The following ESPL1 variants were observed in gnomAD, a reference collection of about 807,000 sequenced individuals.
The protein encoded by ESPL1 is separin.
In ESPL1, 50 loss-of-function variants were observed where a neutral mutation model predicts 217.2. The observed-to-expected ratio is 0.23, with a 90% CI of 0.18 to 0.29. The LOEUF (loss-of-function observed/expected upper bound fraction) is 0.29, where lower values mean the gene tolerates loss of function less well. ESPL1 is among the 10% of genes least tolerant of loss of function. The pLI is 1.00. For synonymous variants in ESPL1, 994 were observed against 1,081.3 expected, an observed-to-expected ratio of 0.92 and a Z score of 1.58; for missense variants, 1,834 against 2,603.0, an observed-to-expected ratio of 0.70 and a Z score of 6.43.
intron 6 of ESPL1, among the ~76,000 whole-genome samples, chr12:53,273,238 C>T (rs1361230356): frequency 6.6e-6 from 1 of 150,874 alleles, no homozygotes; most frequent in Non-Finnish European, 1.5e-5. Flanking sequence ...GGGGTTTCAC[C>T]ATTTTGGTTG....
At chr12:53,287,636 A>G in intron 18 of ESPL1, 1 of 184,112 alleles carries the variant, frequency 5.4e-6, no homozygotes. Context: ...AAGTGCTGGG[A>G]TTACAGACGT....
Position 53,269,418 on chromosome 12 carries a change from T to A in ESPL1, c.476T>A (p.Leu159Ter). The change falls in exon 3 of 31, where the codon TTG (leucine) becomes TAG (stop). Residue 159 changes from leucine to a stop codon, truncating the protein, a stop_gained. Transcript: ENST00000257934. LOFTEE classifies it high-confidence loss of function. The surrounding 1 kb of genome is among the most constrained non-coding windows in gnomAD (Gnocchi z 6.7). ...SLLWKGAEALLERRAAFAARL... is the reference protein window; with the variant it reads ...SLLWKGAEAL Reference sequence around the variant, plus strand: ...CTTTGGAAGGGGGCAGAAGCCCTGTTGGAACGGCGAGCTGCATTTGCAGCT... The same window carrying A: ...CTTTGGAAGGGGGCAGAAGCCCTGTAGGAACGGCGAGCTGCATTTGCAGCT... The A allele has an allele frequency of 6.2e-7, 1 of 1,613,926 alleles. No homozygotes were observed. Among genetic ancestry groups the A allele is most frequent in the Non-Finnish European group, 8.5e-7 (1 of 1,179,994 alleles).
intron 11 of ESPL1, among the ~76,000 whole-genome samples, 165 bp downstream of exon 11, chr12:53,278,125 C>T (rs1943802124): frequency 6.6e-6 from 1 of 152,210 alleles, no homozygotes; most frequent in African/African-American, 2.4e-5. Flanking sequence ...CTCCCTCATT[C>T]ATTAGTGTAT....
rs376705886 is a variant in ESPL1, at chr12:53,291,872, G to A, written c.5691+12G>A. 1 of 1,584,882 alleles carries A rather than the reference G, an allele frequency of 6.3e-7. No individual in the cohort carries two copies. The highest frequency in any genetic ancestry group is 1.3e-5 in the African/African-American group (1 of 74,592). ...TGGTCCTAGACAAGGTAAGGAGCTG[G>A]GGCAGAGGGGCAGTGTCTAGTGGGG... is the stretch of plus-strand genomic sequence containing the variant. On this transcript the variant is annotated intron_variant, in intron 26 of 30. Transcript: ENST00000257934.
Position 53,288,040 on chromosome 12 carries a change from T to C in ESPL1, c.4245T>C (p.Pro1415=). Residue 1415 remains proline (P), a synonymous_variant, in exon 19 of 31, where the codon CCT becomes CCC. Coordinates refer to ENST00000257934, the MANE Select transcript of ESPL1 (RefSeq NM_012291.5). ...CTGAGGCCTGGCTGGCAGAGGAGCC[T>C]AAGAGACGGGGCACTGCTTCCCGGG... ...VSAEAWLAEE[P]KRRGTASRGR... is the part of the protein sequence containing the mutation. 6.2e-7 allele frequency: 1 copy of C among 1,613,468 alleles called. No homozygotes were observed. The highest frequency in any genetic ancestry group is 1.1e-5 in the South Asian group (1 of 91,044).
chr12:53,283,503 C>A lies in ESPL1; in HGVS notation c.3042C>A (p.Ala1014=), dbSNP rs776799276. ...AAGCCAAGGCCTTTTGCTTGGAGGC[C>A]CTAAAACTTACAACAAAGCTGCAGA... is the stretch of plus-strand genomic sequence containing the variant. ...VSEAKAFCLE[A]LKLTTKLQIP... is the part of the protein sequence containing the mutation. Residue 1014 remains alanine, a synonymous_variant, in exon 16 of 31, where the codon GCC becomes GCA. Coordinates refer to ENST00000257934, the MANE Select transcript of ESPL1 (RefSeq NM_012291.5). 1.2e-6 allele frequency: 2 copies of A among 1,614,126 alleles called. No individual in the cohort carries two copies. Among genetic ancestry groups the A allele is most frequent in the East Asian group, 4.5e-5 (2 of 44,882 alleles).
Position 53,281,646 on chromosome 12 carries a change from A to G in ESPL1, c.2619+20A>G. 1 of 1,605,496 alleles carries G rather than the reference A, an allele frequency of 6.2e-7. No individual in the cohort carries two copies. Among genetic ancestry groups the G allele is most frequent in the Non-Finnish European group, 8.5e-7 (1 of 1,176,382 alleles). ...CAGAAGGTATTTCTCACTTTCTTAAACTCCGAAGGCCCTGGGTATTAGAAA... is the reference window on the plus strand; with the variant it reads ...CAGAAGGTATTTCTCACTTTCTTAAGCTCCGAAGGCCCTGGGTATTAGAAA... On this transcript the variant is annotated intron_variant, in intron 13 of 30. Coordinates refer to ENST00000257934, the MANE Select transcript of ESPL1 (RefSeq NM_012291.5).
At chr12:53,287,224 C>T (rs1185667198) in intron 18 of ESPL1, 2 of 226,488 alleles carry the variant, frequency 8.8e-6, no homozygotes, top group Non-Finnish European at 1.7e-5. Flanking sequence ...AAGCGCCTGC[C>T]ACCATGCCCA....
chr12:53,269,467 A>G lies in ESPL1; in HGVS notation c.525A>G (p.Leu175=). 6.2e-7 allele frequency: 1 copy of G among 1,614,194 alleles called. No individual in the cohort carries two copies. The highest frequency in any genetic ancestry group is 1.7e-5 in the Admixed American group (1 of 60,018). The change falls in exon 3 of 31, where the codon CTA becomes CTG. Residue 175 remains leucine, a synonymous_variant. Transcript: ENST00000257934. The surrounding 1 kb of genome is among the most constrained non-coding windows in gnomAD (Gnocchi z 6.7). ...CTCGGCTGAAGGCCTTGAGCTTCCT[A>G]GTACTCTTGGAGGATGAAAGTACCC... ...FAARLKALSF[L]VLLEDESTPC...
chr12:53,286,474 T>C lies in ESPL1; in HGVS notation c.3738T>C (p.Val1246=). 2 of 1,614,198 alleles carry C rather than the reference T, an allele frequency of 1.2e-6. No homozygotes were observed. Among genetic ancestry groups the C allele is most frequent in the South Asian group, 2.2e-5 (2 of 91,084 alleles). Reference sequence around the variant, plus strand: ...CATCAAACGAGAGCCTGCAGAAGGTTCTACAGTCAGGGCTGAAGTTTGTAG... The same window carrying C: ...CATCAAACGAGAGCCTGCAGAAGGTCCTACAGTCAGGGCTGAAGTTTGTAG... ...NQPSNESLQK[V]LQSGLKFVAA... Residue 1246 remains valine (V), a synonymous_variant, in exon 18 of 31, where the codon GTT becomes GTC. Coordinates refer to ENST00000257934, the MANE Select transcript of ESPL1 (RefSeq NM_012291.5). The surrounding 1 kb of genome is among the most constrained non-coding windows in gnomAD (Gnocchi z 5.3).
chr12:53,276,775 C>T lies in ESPL1; in HGVS notation c.1856C>T (p.Pro619Leu), dbSNP rs1487777756. ...CTGGAGCTGAGCCCCGAGGAGACAC[C>T]AGCCGGGGCCTGGGCACGAGCCACC... Reference protein sequence around the residue: ...DLLELSPEETPAGAWARATHL... With the variant: ...DLLELSPEETLAGAWARATHL... The change falls in exon 8 of 31, where the codon CCA becomes CTA. Residue 619 changes from proline (P) to leucine (L), a missense_variant. Physicochemically the swap from Pro to Leu is moderately conservative, Grantham distance 98. Transcript: ENST00000257934. 5.6e-6 allele frequency: 9 copies of T among 1,613,902 alleles called. No homozygotes were observed. Among genetic ancestry groups the T allele is most frequent in the Non-Finnish European group, 7.6e-6 (9 of 1,180,032 alleles).
chr12:53,279,893 G>A (rs775113755), intron 12 of ESPL1, 27 bp downstream of exon 12: 2 of 1,530,696 alleles, frequency 1.3e-6, no homozygotes, highest in East Asian at 4.7e-5. Context: ...CCTAGTCTGG[G>A]GACTGCAGGG....
rs764397040 is a variant in ESPL1, at chr12:53,272,705, C to G, written c.1370-16C>G. Reference sequence around the variant, plus strand: ...GAGCCTTTCCTATGGTCAATTGTGCCTTTTCTCCCCTGCAGCTTCTTACAC... The same window carrying G: ...GAGCCTTTCCTATGGTCAATTGTGCGTTTTCTCCCCTGCAGCTTCTTACAC... On this transcript the variant is annotated splice_polypyrimidine_tract_variant and intron_variant, in intron 5 of 30. Coordinates refer to ENST00000257934, the MANE Select transcript of ESPL1 (RefSeq NM_012291.5). The G allele has an allele frequency of 5.0e-6, 8 of 1,611,836 alleles. No individual in the cohort carries two copies. The East Asian group carries it at 1.8e-4, about 36-fold the overall frequency.
intron 5 of ESPL1, among the ~76,000 whole-genome samples, chr12:53,271,171 T>TGG (rs201137605): frequency 1.6e-5 from 1 of 61,542 alleles, no homozygotes; most frequent in Non-Finnish European, 2.8e-5. Flanking sequence ...TATATTTAAG[T>TGG]GTTTTTTTTT....
In ESPL1 at chr12:53,290,155, C is replaced by G. The variant is rs766508319; in HGVS notation, c.5184C>G (p.Thr1728=). The change falls in exon 23 of 31, where the codon ACC becomes ACG. Residue 1728 remains threonine (T), a synonymous_variant. Transcript: ENST00000257934. ...PGTVGNTLLL[T]RLEKDSPPVS... ...CCGTGGGCAACACCCTCCTGCTGACCCGGCTGGAAAAGGACAGTCCCCCAG... is the reference window on the plus strand; with the variant it reads ...CCGTGGGCAACACCCTCCTGCTGACGCGGCTGGAAAAGGACAGTCCCCCAG... 6.2e-7 allele frequency: 1 copy of G among 1,614,138 alleles called. No homozygotes were observed. The highest frequency in any genetic ancestry group is 1.1e-5 in the South Asian group (1 of 91,084).
At position 53,269,294 on chromosome 12, in the gene ESPL1, C is replaced by T; in HGVS notation, c.352C>T (p.Leu118Phe). 6.2e-7 allele frequency: 1 copy of T among 1,614,200 alleles called. No individual in the cohort carries two copies. Among genetic ancestry groups the T allele is most frequent in the East Asian group, 2.2e-5 (1 of 44,878 alleles). The change falls in exon 3 of 31, where the codon CTC (leucine) becomes TTC (phenylalanine). Residue 118 changes from leucine (L) to phenylalanine (F), a missense_variant. Around this residue, in one of 5 missense-constraint regions of ESPL1, gnomAD observed 746 missense variants for 1,077.0 expected, o/e 0.69. Transcript: ENST00000257934. The surrounding 1 kb of genome is among the most constrained non-coding windows in gnomAD (Gnocchi z 6.7). Reference sequence around the variant, plus strand: ...TGCACAAGGAAGCCCAGAGGCCACACTCCGCCTTGCTCAGCCCCTCCATGC... The same window carrying T: ...TGCACAAGGAAGCCCAGAGGCCACATTCCGCCTTGCTCAGCCCCTCCATGC... ...AAAQGSPEATLRLAQPLHACL... is the reference protein window; with the variant it reads ...AAAQGSPEATFRLAQPLHACL...
rs1022768813 is a variant in ESPL1, at chr12:53,270,679, T to G, written c.1250T>G (p.Ile417Arg). ...CTCAAACCCTTCTTGTCCCTTCAGA[T>G]AGTTGATTTGGCTGACCTGACCCAA... ...VVYDFAQGCQIVDLADLTQLV... is the reference protein window; with the variant it reads ...VVYDFAQGCQRVDLADLTQLV... The change falls in exon 5 of 31, where the codon ATA becomes AGA. Residue 417 changes from isoleucine (I) to arginine (R), a missense_variant and splice_region_variant. Ile to Arg is a moderately conservative substitution (Grantham distance 97). Transcript: ENST00000257934. 3.7e-6 allele frequency: 6 copies of G among 1,614,032 alleles called. No homozygotes were observed. Among genetic ancestry groups the G allele is most frequent in the Middle Eastern group, 1.6e-4 (1 of 6,084 alleles).
Position 53,282,206 on chromosome 12 carries a change from T to C in ESPL1, c.2620-58T>C, listed in dbSNP as rs1943873219. ...GGGGCCACGTAATCTCCAGGGCCTCTCAAGCTCTGGAGTGCCTGACTGCCT... is the reference window on the plus strand; with the variant it reads ...GGGGCCACGTAATCTCCAGGGCCTCCCAAGCTCTGGAGTGCCTGACTGCCT... On this transcript the variant is annotated intron_variant, in intron 13 of 30. Coordinates refer to ENST00000257934, the MANE Select transcript of ESPL1 (RefSeq NM_012291.5). This position sits in a 1 kb window ranked among gnomAD's most constrained non-coding sequence, Gnocchi z 4.0. The C allele has an allele frequency of 1.3e-6, 2 of 1,491,176 alleles. No individual in the cohort carries two copies. Among genetic ancestry groups the C allele is most frequent in the Admixed American group, 3.4e-5 (2 of 59,106 alleles). 92.4% of individuals were successfully genotyped at this position (1,491,176 alleles called of 1,614,324 possible). A position where few individuals can be genotyped will look rare whatever the true frequency, so the allele number is the denominator to read the frequency against.
rs1197178266 is a variant in ESPL1, at chr12:53,279,699, G to C, written c.2365-33G>C. 4 of 1,613,598 alleles carry C rather than the reference G, an allele frequency of 2.5e-6. No homozygotes were observed. The African/African-American group carries it at 5.3e-5, about 22-fold the overall frequency. ...GGGTAGAAATAGAGGCTTGAGCAGG[G>C]GTGGAGTAAACTTGGCTGCTTCTGC... On this transcript the variant is annotated intron_variant, in intron 11 of 30. Transcript: ENST00000257934.
Sources: gnomAD v4.1 joint callset for allele counts (sites outside exome capture counted in the v4.1 genomes callset) on GRCh38, gnomAD v4.1.1 for gene constraint, gnomAD v4.1.1 regional missense constraint, Gnocchi (gnomAD v3.1) non-coding constraint, MANE v1.5 for transcripts, NCBI Gene and HGNC (gene_info 2026-07-23, HGNC 2026-07-21) for gene names.